Variants in RNF17 observed in about 807,000 individuals in gnomAD.
RNF17 encodes the protein ring finger protein 17, also known as spermatogenesis associated 23.
In RNF17, 31 loss-of-function variants were observed where a neutral mutation model predicts 200.5. The ratio of observed to expected loss-of-function variants is 0.15; its 90% CI spans 0.12 to 0.21. The LOEUF (loss-of-function observed/expected upper bound fraction) is 0.21. Among genes scored for constraint, RNF17 ranks in the 10% least tolerant of loss-of-function variants. The pLI is 1.00. For synonymous variants in RNF17, 606 were observed against 637.8 expected, an observed-to-expected ratio of 0.95 and a Z score of 0.75; for missense variants, 1,628 against 1,905.1, an observed-to-expected ratio of 0.85 and a Z score of 2.71.
intron 15 of RNF17, among the ~76,000 whole-genome samples, chr13:24,806,912 T>C (rs1277532295): frequency 2.6e-5 from 4 of 151,196 alleles, no homozygotes; most frequent in Non-Finnish European, 5.9e-5. Flanking sequence ...GGTTTTTTGT[T>C]CTTGCGATAG....
chr13:24,786,053 T>G (rs1201016356), intron 6 of RNF17, among the ~76,000 whole-genome samples: 1 of 152,186 alleles, frequency 6.6e-6, no homozygotes, highest in African/African-American at 2.4e-5. Context: ...CCATTTGGTT[T>G]GTTTTCTGTA....
At chr13:24,824,250 G>C in intron 15 of RNF17, 1 of 709,894 alleles carries the variant, frequency 1.4e-6, no homozygotes, top group Non-Finnish European at 2.6e-6. Flanking sequence ...CAATGTTTCT[G>C]TATTGGAAGA....
chr13:24,864,412 C>T (rs17081286), intron 28 of RNF17, among the ~76,000 whole-genome samples: 61,733 of 151,970 alleles, frequency 0.41, 12,551 homozygotes, highest in Admixed American at 0.44. Context: ...ACACATTCAG[C>T]ACCCAATAAC....
At chr13:24,773,764 G>A (rs566027138) in intron 2 of RNF17, among the ~76,000 whole-genome samples, 1 of 152,264 alleles carries the variant, frequency 6.6e-6, no homozygotes, top group South Asian at 2.1e-4. Flanking sequence ...TGAAGTTAGA[G>A]GACATACTTC....
At chr13:24,756,482 C>A in the RNF17 span, among the ~76,000 whole-genome samples, 148,477 of 152,058 alleles carry the variant, frequency 0.98, 72,579 homozygotes, top group East Asian at 1. Context: ...TAGCGAATCC[C>A]GAAAATGTAT....
intron 15 of RNF17, among the ~76,000 whole-genome samples, chr13:24,819,905 CA>C (rs2137910225): frequency 6.6e-6 from 1 of 152,250 alleles, no homozygotes; most frequent in Non-Finnish European, 1.5e-5. Flanking sequence ...CTTCCATTAG[CA>C]TTTCTTACAG....
chr13:24,798,576 A>G lies in RNF17; in HGVS notation c.1400-819A>G, dbSNP rs138907677. ...TGTAGTTTAAATGGGCTCTAAGACTACCTGAGTTCTCCTGCTACTTCTTCT... is the reference window on the plus strand; with the variant it reads ...TGTAGTTTAAATGGGCTCTAAGACTGCCTGAGTTCTCCTGCTACTTCTTCT... On this transcript the variant is annotated intron_variant, in intron 11 of 35. Coordinates refer to ENST00000255324, the MANE Select transcript of RNF17 (RefSeq NM_031277.3). 1.5e-3 allele frequency among the ~76,000 whole-genome samples: 222 copies of G among 152,310 alleles called. 1 individual carries two copies. Among genetic ancestry groups the G allele is most frequent in the East Asian group, 0.013 (66 of 5,182 alleles).
At chr13:24,888,500 T>C in the RNF17 span, among the ~76,000 whole-genome samples, 1 of 152,060 alleles carries the variant, frequency 6.6e-6, no homozygotes, top group Admixed American at 6.5e-5. Flanking sequence ...CAACCACCAT[T>C]TTACATCAAC....
At chr13:24,800,096 G>A (rs187729428) in intron 12 of RNF17, among the ~76,000 whole-genome samples, 208 of 152,194 alleles carry the variant, frequency 1.4e-3, no homozygotes, top group Non-Finnish European at 2.4e-3. Context: ...ATTTATATGG[G>A]GGGAAGTGTC....
chr13:24,834,846 A>G (rs781612726), intron 18 of RNF17, among the ~76,000 whole-genome samples: 2 of 152,182 alleles, frequency 1.3e-5, no homozygotes, highest in Non-Finnish European at 2.9e-5. Context: ...AGGGGAGGGT[A>G]CAAATCTGGT....
At chr13:24,764,485 A>G in intron 1 of RNF17, 152 bp downstream of exon 1, 1 of 1,144,822 alleles carries the variant, frequency 8.7e-7, no homozygotes, top group Non-Finnish European at 1.2e-6. Flanking sequence ...GCTGCACCCG[A>G]CCTCTAAGAG....
downstream of RNF17, chr13:24,882,769 C>A: frequency 5.3e-6 from 1 of 188,692 alleles, no homozygotes; most frequent in Non-Finnish European, 1.1e-5. Flanking sequence ...ATTTTGGCTA[C>A]AGAGACACGT....
At chr13:24,760,253 G>C (rs146575926), upstream of RNF17, among the ~76,000 whole-genome samples, 33 of 152,246 alleles carry the variant, frequency 2.2e-4, no homozygotes, top group East Asian at 6.2e-3. Context: ...CTGGATATCT[G>C]AGAAAAATGA....
intron 15 of RNF17, among the ~76,000 whole-genome samples, chr13:24,813,382 C>T (rs1469154088): frequency 6.6e-6 from 1 of 151,932 alleles, no homozygotes; most frequent in Non-Finnish European, 1.5e-5. Context: ...CCTTGAACTC[C>T]TGGGCTAGAG....
intron 2 of RNF17, among the ~76,000 whole-genome samples, chr13:24,770,042 G>A (rs931770361): frequency 6.6e-6 from 1 of 152,042 alleles, no homozygotes; most frequent in Non-Finnish European, 1.5e-5. Flanking sequence ...TTTTGGACCT[G>A]AGTCTAAAAT....
At chr13:24,797,728 G>GTGTGTGTA (rs1884771990) in intron 11 of RNF17, among the ~76,000 whole-genome samples, 1 of 151,360 alleles carries the variant, frequency 6.6e-6, no homozygotes, top group Non-Finnish European at 1.5e-5. Context: ...GTGTGTGTGT[G>GTGTGTGTA]TGTGTGTGTG....
intron 15 of RNF17, among the ~76,000 whole-genome samples, chr13:24,807,609 G>C (rs190527672): frequency 6.6e-6 from 1 of 152,288 alleles, no homozygotes; most frequent in African/African-American, 2.4e-5. Flanking sequence ...TGTTCATTCT[G>C]ATGGTAGTTT....
At chr13:24,818,367 A>G (rs972591997) in intron 15 of RNF17, among the ~76,000 whole-genome samples, 1 of 152,108 alleles carries the variant, frequency 6.6e-6, no homozygotes, top group Non-Finnish European at 1.5e-5. Context: ...ACTATTGGCT[A>G]GAGTGTTTTG....
chr13:24,855,185 G>T (rs1367115720), intron 25 of RNF17, among the ~76,000 whole-genome samples: 1 of 151,904 alleles, frequency 6.6e-6, no homozygotes, highest in Non-Finnish European at 1.5e-5. Context: ...GCATTTCCAT[G>T]AATGATTATG....
Sources: gnomAD v4.1 joint callset for allele counts (sites outside exome capture counted in the v4.1 genomes callset) on GRCh38, gnomAD v4.1.1 for gene constraint, MANE v1.5 for transcripts, NCBI Gene and HGNC (gene_info 2026-07-23, HGNC 2026-07-21) for gene names.